The following GSE1 variants were observed in gnomAD, a reference collection of about 807,000 sequenced individuals.
GSE1 encodes the protein genetic suppressor element 1.
GSE1 carries 32 observed loss-of-function variants against 112.6 expected under a neutral mutation model. That is an observed-to-expected ratio of 0.28 (90% CI 0.21 to 0.38). The LOEUF (loss-of-function observed/expected upper bound fraction) is 0.38, where lower values mean the gene tolerates loss of function less well. GSE1 is among the 10% of genes least tolerant of loss of function. The pLI is 1.00. For missense variants in GSE1, 2,348 were observed against 1,699.2 expected, an observed-to-expected ratio of 1.38 and a Z score of -6.71; for synonymous variants, 1,115 against 735.6, an observed-to-expected ratio of 1.52 and a Z score of -8.35.
At chr16:85,616,226 T>G (rs1382010312) in intron 1 of GSE1, among the ~76,000 whole-genome samples, 1 of 152,238 alleles carries the variant, frequency 6.6e-6, no homozygotes, top group Non-Finnish European at 1.5e-5. Context: ...GCAGGTACTG[T>G]CTGTCCTCCC....
upstream of GSE1, chr16:85,554,888 GCC>G: frequency 1.0e-6 from 1 of 985,318 alleles, no homozygotes; most frequent in South Asian, 4.7e-5. Context: ...TTTGCAAACG[GCC>G]CCCGCTTCGG....
At chr16:85,659,938 G>T (rs2151951189) in intron 8 of GSE1, among the ~76,000 whole-genome samples, 1 of 152,356 alleles carries the variant, frequency 6.6e-6, no homozygotes, top group Non-Finnish European at 1.5e-5. Context: ...CCACTGGGGG[G>T]CAGTCTCGGC....
intron 2 of GSE1, among the ~76,000 whole-genome samples, chr16:85,524,532 G>A (rs947599591): frequency 3.9e-5 from 6 of 152,116 alleles, no homozygotes; most frequent in South Asian, 4.1e-4. Flanking sequence ...TCTGCATCTC[G>A]GGCTTGCCAC....
chr16:85,481,642 T>G (rs74031812), intron 2 of GSE1, among the ~76,000 whole-genome samples: 1 of 152,328 alleles, frequency 6.6e-6, no homozygotes, highest in Admixed American at 6.5e-5. Flanking sequence ...GTGGTCACTT[T>G]CCAGGAGCTG....
intron 2 of GSE1, among the ~76,000 whole-genome samples, chr16:85,644,485 C>T (rs764080210): frequency 5.3e-5 from 8 of 152,066 alleles, no homozygotes; most frequent in African/African-American, 1.7e-4. Flanking sequence ...CACTTAGCCG[C>T]GGGAAGGAGA....
At chr16:85,620,285 T>G (rs1361974669) in intron 1 of GSE1, among the ~76,000 whole-genome samples, 3 of 152,116 alleles carry the variant, frequency 2.0e-5, no homozygotes, top group Non-Finnish European at 4.4e-5. Context: ...GCGGGACTCT[T>G]GTCTCAGCAA....
At chr16:85,466,610 G>A (rs915104067) in intron 2 of GSE1, among the ~76,000 whole-genome samples, 1 of 152,128 alleles carries the variant, frequency 6.6e-6, no homozygotes, top group South Asian at 2.1e-4. Flanking sequence ...TGGCAATGAC[G>A]GTGGTATCAT....
At chr16:85,658,595 C>G (rs1407339165) in intron 8 of GSE1, among the ~76,000 whole-genome samples, 1 of 152,230 alleles carries the variant, frequency 6.6e-6, no homozygotes, top group Admixed American at 6.5e-5. Context: ...TCAGGGATGA[C>G]TGGGAGTGAC....
chr16:85,424,791 G>A (rs527376565), intron 2 of GSE1, among the ~76,000 whole-genome samples: 11 of 152,266 alleles, frequency 7.2e-5, no homozygotes, highest in Non-Finnish European at 1.6e-4. Context: ...CACCCCCTCT[G>A]CGTGGCATGG....
chr16:85,304,609 T>TGGGGGGGGGGGGGGG (rs34644508), intron 1 of GSE1, among the ~76,000 whole-genome samples: 1 of 110,940 alleles, frequency 9.0e-6, no homozygotes. Flanking sequence ...GGCGGGGGGG[T>TGGGGGGGGGGGGGGG]GGGGCATCCC....
At chr16:85,555,891 TC>T (rs1187209216), upstream of GSE1, 15 of 694,168 alleles carry the variant, frequency 2.2e-5, no homozygotes, top group Non-Finnish European at 2.6e-5. Context: ...CACCCTCACC[TC>T]CCCCCTTTAT....
intron 1 of GSE1, among the ~76,000 whole-genome samples, chr16:85,591,813 A>G (rs563555138): frequency 2.0e-5 from 3 of 152,360 alleles, no homozygotes; most frequent in Admixed American, 6.5e-5. Context: ...ATCACCAACA[A>G]AAGACAAAAA....
In GSE1 at chr16:85,665,058, G is replaced by A; in HGVS notation, c.2688G>A (p.Lys896=). The change falls in exon 12 of 16, where the codon AAG becomes AAA. Residue 896 remains lysine, a synonymous_variant. Transcript: ENST00000253458. ...AAATGCTCCGTGCCATGAAGCAGAAGGCACTGTCAGCAGCAGTGGCCGACT... is the reference window on the plus strand; with the variant it reads ...AAATGCTCCGTGCCATGAAGCAGAAAGCACTGTCAGCAGCAGTGGCCGACT... ...LVEMLRAMKQ[K]ALSAAVADSL... is the part of the protein sequence containing the mutation. 1 of 1,612,996 alleles carries A rather than the reference G, an allele frequency of 6.2e-7. No individual in the cohort carries two copies.
chr16:85,400,923 G>T (rs963530745), intron 2 of GSE1, among the ~76,000 whole-genome samples: 1 of 152,126 alleles, frequency 6.6e-6, no homozygotes, highest in Non-Finnish European at 1.5e-5. Context: ...GTGCGGAAGG[G>T]GTCATAATGG....
At position 85,655,765 on chromosome 16, in the gene GSE1, G is replaced by A. The variant is rs761579964; in HGVS notation, c.837G>A (p.Pro279=). 2.7e-5 allele frequency: 43 copies of A among 1,609,644 alleles called. 2 individuals are homozygous for A. In the South Asian group the frequency reaches 3.1e-4, roughly 12 times the overall value. ...DSYCLSALRS[P]FYPIPTPGSL... The stretch of plus-strand genomic sequence containing the variant: ...ACTGCCTGTCTGCCCTGAGGTCCCC[G>A]TTCTACCCCATCCCCACCCCCGGCT... Residue 279 remains proline (P), a synonymous_variant, in exon 6 of 16, where the codon CCG becomes CCA. Coordinates refer to ENST00000253458, the MANE Select transcript of GSE1 (RefSeq NM_014615.5).
intron 1 of GSE1, among the ~76,000 whole-genome samples, chr16:85,287,338 C>G (rs1414948142): frequency 6.6e-6 from 1 of 152,198 alleles, no homozygotes; most frequent in African/African-American, 2.4e-5. Flanking sequence ...GCCCATCCCC[C>G]TGCACCAGCC....
intron 1 of GSE1, among the ~76,000 whole-genome samples, chr16:85,292,679 C>G (rs1212395461): frequency 1.3e-5 from 2 of 152,122 alleles, no homozygotes; most frequent in African/African-American, 4.8e-5. Flanking sequence ...AGGCTGGTCT[C>G]AAACTCGTGA....
At chr16:85,444,435 G>A (rs934917174) in intron 2 of GSE1, among the ~76,000 whole-genome samples, 2 of 152,128 alleles carry the variant, frequency 1.3e-5, no homozygotes, top group Admixed American at 1.3e-4. Flanking sequence ...GCCTGAGTTC[G>A]CACTGCAGGA....
intron 1 of GSE1, among the ~76,000 whole-genome samples, chr16:85,271,265 G>C (rs1173898397): frequency 6.6e-6 from 1 of 152,126 alleles, no homozygotes; most frequent in African/African-American, 2.4e-5. Context: ...CCACCAGGGT[G>C]ACTGGCTGAA....
Sources: allele counts gnomAD v4.1 joint callset (sites outside exome capture counted in the v4.1 genomes callset), GRCh38; gene constraint gnomAD v4.1.1; transcripts MANE v1.5; gene names NCBI Gene and HGNC (gene_info 2026-07-23, HGNC 2026-07-21).